ABCA13: variants seen among roughly 807,000 people sequenced by gnomAD.
ABCA13 encodes ATP-binding cassette sub-family A member 13.
In ABCA13, 476 loss-of-function variants were observed where a neutral mutation model predicts 478.7. That is an observed-to-expected ratio of 0.99 (90% CI 0.92 to 1.07). ABCA13 has a LOEUF of 1.07. Ranked by LOEUF, ABCA13 falls within the 50% of genes least tolerant of loss-of-function variation. The pLI is 0.00. For missense variants in ABCA13, 6,060 were observed against 5,910.6 expected, an observed-to-expected ratio of 1.03 and a Z score of -0.83; for synonymous variants, 2,252 against 2,158.9, an observed-to-expected ratio of 1.04 and a Z score of -1.20.
At chr7:48,313,833 T>G (rs1802130481) in intron 25 of ABCA13, among the ~76,000 whole-genome samples, 1 of 152,186 alleles carries the variant, frequency 6.6e-6, no homozygotes. Context: ...GTCCATCATG[T>G]GATAGATAAT....
chr7:48,480,992 A>C (rs751415505), intron 45 of ABCA13, 44 bp from the exon 46 acceptor site: 2 of 1,311,120 alleles, frequency 1.5e-6, no homozygotes, highest in South Asian at 2.6e-5. Context: ...CCAGTTTGTG[A>C]ATTATAAAAA....
intron 15 of ABCA13, among the ~76,000 whole-genome samples, chr7:48,251,845 T>C (rs1216048478): frequency 6.6e-6 from 1 of 152,158 alleles, no homozygotes; most frequent in Non-Finnish European, 1.5e-5. Context: ...TCACACATTT[T>C]AATATGTCAT....
At position 48,279,911 on chromosome 7, in the gene ABCA13, C is replaced by T. The variant is rs1292961037; in HGVS notation, c.8717C>T (p.Thr2906Ile). Reference protein sequence around the residue: ...LTKYWQQIPLTDQSVVEICEV... With the variant: ...LTKYWQQIPLIDQSVVEICEV... ...AAATACTGGCAACAAATCCCACTAA[C>T]AGATCAAAGGTAATTAAAAAGCTGA... Residue 2906 changes from threonine (T) to isoleucine (I), a missense_variant, in exon 18 of 62, where the codon ACA (threonine) becomes ATA (isoleucine). Physicochemically the swap from Thr to Ile is moderately conservative, Grantham distance 89. Transcript: ENST00000435803. 6.6e-7 allele frequency: 1 copy of T among 1,517,976 alleles called. No individual in the cohort carries two copies. The highest frequency in any genetic ancestry group is 8.8e-7 in the Non-Finnish European group (1 of 1,137,450). The allele number at this position is 1,517,976 out of a possible 1,614,324, so 94.0% of individuals were successfully genotyped here.
At chr7:48,202,307 G>A (rs2128922078) in intron 3 of ABCA13, among the ~76,000 whole-genome samples, 1 of 152,274 alleles carries the variant, frequency 6.6e-6, no homozygotes, top group Admixed American at 6.5e-5. Context: ...CCCTGAGCTA[G>A]ACACAAAGGT....
chr7:48,343,778 A>G (rs1362954290), intron 29 of ABCA13, among the ~76,000 whole-genome samples: 2 of 151,850 alleles, frequency 1.3e-5, no homozygotes, highest in African/African-American at 4.8e-5. Context: ...AAGGCCATTC[A>G]TATTTTCTGG....
chr7:48,469,180 T>A (rs1356544807), intron 44 of ABCA13, among the ~76,000 whole-genome samples: 1 of 152,238 alleles, frequency 6.6e-6, no homozygotes, highest in Non-Finnish European at 1.5e-5. Flanking sequence ...GGATAAGGTT[T>A]ATTTTTGTAA....
At position 48,455,027 on chromosome 7, in the gene ABCA13, C is replaced by T. The variant is rs367829820; in HGVS notation, c.12566-10C>T. 7.0e-5 allele frequency: 105 copies of T among 1,489,718 alleles called. No homozygotes were observed. The highest frequency in any genetic ancestry group is 9.2e-5 in the Non-Finnish European group (103 of 1,121,050). 92.3% of individuals were successfully genotyped at this position (1,489,718 alleles called of 1,614,324 possible). A position where few individuals can be genotyped will look rare whatever the true frequency, so the allele number is the denominator to read the frequency against. On this transcript the variant is annotated splice_polypyrimidine_tract_variant and intron_variant, in intron 42 of 61. Transcript: ENST00000435803. Reference sequence around the variant, plus strand: ...TGACCCAGCCGCCCTTCCTCCCGCCCGTCCTGCAGGTGGCTCCCTAGCACG... The same window carrying T: ...TGACCCAGCCGCCCTTCCTCCCGCCTGTCCTGCAGGTGGCTCCCTAGCACG...
intron 51 of ABCA13, among the ~76,000 whole-genome samples, chr7:48,513,909 C>G (rs1831906036): frequency 6.6e-6 from 1 of 152,192 alleles, no homozygotes; most frequent in African/African-American, 2.4e-5. Context: ...CTTCATTCAT[C>G]TAGCAATAGG....
At position 48,528,346 on chromosome 7, in the gene ABCA13, G is replaced by C. The variant is rs947469056; in HGVS notation, c.14354+1G>C. On this transcript the variant is annotated splice_donor_variant, in intron 55 of 61. Transcript: ENST00000435803. LOFTEE classifies it high-confidence loss of function. ...ATGCTATCATCAGGACTCCCATGGG[G>C]TAAGATACAGATTTCATCATTTTTG... is the stretch of plus-strand genomic sequence containing the variant. 1.0e-5 allele frequency: 16 copies of C among 1,540,278 alleles called. No homozygotes were observed. The highest frequency in any genetic ancestry group is 1.7e-4 in the Middle Eastern group (1 of 5,902).
intron 19 of ABCA13, 136 bp downstream of exon 19, chr7:48,281,588 C>A (rs1797045463): frequency 2.7e-6 from 2 of 750,488 alleles, no homozygotes; most frequent in Non-Finnish European, 4.2e-6. Flanking sequence ...GCAACCAGGC[C>A]TTGAGGGATC....
Position 48,524,426 on chromosome 7 carries a change from A to G in ABCA13, c.14230A>G (p.Ile4744Val), listed in dbSNP as rs1411239732. The change falls in exon 54 of 62, where the codon ATA (isoleucine) becomes GTA (valine). Residue 4744 changes from isoleucine to valine, a missense_variant. Physicochemically the swap from Ile to Val is conservative, Grantham distance 29 (BLOSUM62 3). This residue lies in a region of ABCA13 where 1,627 missense variants were observed against 1,571.0 expected (regional missense o/e 1.04). Transcript: ENST00000435803. ...IIAVQDISLG[I>V]PKGECFGLLG... is the part of the protein sequence containing the mutation. ...TGCTGTGCAAGATATTAGTTTGGGC[A>G]TACCAAAAGGAGAGGTAATGAAGCT... is the stretch of plus-strand genomic sequence containing the variant. 4.4e-6 allele frequency: 7 copies of G among 1,606,402 alleles called. No homozygotes were observed. Among genetic ancestry groups the G allele is most frequent in the Non-Finnish European group, 5.9e-6 (7 of 1,177,362 alleles).
chr7:48,369,543 T>G (rs1370861515), intron 32 of ABCA13, among the ~76,000 whole-genome samples: 6 of 152,216 alleles, frequency 3.9e-5, no homozygotes, highest in Admixed American at 3.9e-4. Flanking sequence ...TTTAAGTCTT[T>G]TATCCACCTT....
Position 48,245,593 on chromosome 7 carries a change from T to A in ABCA13, c.1472T>A (p.Phe491Tyr). Residue 491 changes from phenylalanine to tyrosine, a missense_variant, in exon 12 of 62, where the codon TTC becomes TAC. Transcript: ENST00000435803. ...LNQLKLEKDV[F>Y]FWELKQMLAK... is the part of the protein sequence containing the mutation. ...CAATTGAAACTGGAAAAGGATGTGT[T>A]CTTTTGGGAGCTGAAACAGGTAAAG... The A allele has an allele frequency of 6.2e-7, 1 of 1,611,746 alleles. No individual in the cohort carries two copies. The highest frequency in any genetic ancestry group is 8.5e-7 in the Non-Finnish European group (1 of 1,179,264).
In ABCA13 at chr7:48,541,741, C is replaced by A. The variant is rs902382058; in HGVS notation, c.14354+13396C>A. On this transcript the variant is annotated intron_variant, in intron 55 of 61. Transcript: ENST00000435803. ...AGATATATATATACATATAAAATATCATGTATATAAATATCATATGATATA... is the reference window on the plus strand; with the variant it reads ...AGATATATATATACATATAAAATATAATGTATATAAATATCATATGATATA... Among the ~76,000 whole-genome samples the A allele has an allele frequency of 1.5e-4, 22 of 145,492 alleles. 2 individuals are homozygous for A. The highest frequency in any genetic ancestry group is 1.4e-3 in the Admixed American group (21 of 14,496).
At chr7:48,380,888 G>A (rs1306784629) in intron 35 of ABCA13, among the ~76,000 whole-genome samples, 3 of 152,088 alleles carry the variant, frequency 2.0e-5, no homozygotes, top group East Asian at 1.9e-4. Context: ...TGTACGGGGC[G>A]ATCACACTCG....
chr7:48,535,521 G>A (rs751728804), intron 55 of ABCA13, among the ~76,000 whole-genome samples: 1 of 152,164 alleles, frequency 6.6e-6, no homozygotes, highest in East Asian at 1.9e-4. Flanking sequence ...AGAGTGTATC[G>A]GCTGCCCTTG....
intron 42 of ABCA13, among the ~76,000 whole-genome samples, chr7:48,450,102 A>G (rs551609044): frequency 5.9e-5 from 9 of 152,198 alleles, no homozygotes; most frequent in Non-Finnish European, 1.2e-4. Context: ...CTAGCATAGC[A>G]CTTGCACTAG....
rs573838222 is a variant in ABCA13 at position 48,278,665 on chromosome 7, G to C, written c.7471G>C (p.Val2491Leu). Residue 2491 changes from valine (V) to leucine (L), a missense_variant, in exon 18 of 62, where the codon GTC (valine) becomes CTC (leucine). By Grantham distance (32) the Val-to-Leu change is conservative. This residue lies in a region of ABCA13 where 4,423 missense variants were observed against 4,309.1 expected (regional missense o/e 1.03). Transcript: ENST00000435803. ...TTCAAGAGCAAGTGAAGAAAGTCAC[G>C]TCCTGAAACCCCTCTTAGAAATGTC... ...AISRASEESH[V>L]LKPLLEMSGT... The C allele has an allele frequency of 6.2e-7, 1 of 1,613,604 alleles. No homozygotes were observed. Among genetic ancestry groups the C allele is most frequent in the South Asian group, 1.1e-5 (1 of 91,080 alleles).
intron 3 of ABCA13, among the ~76,000 whole-genome samples, chr7:48,210,653 G>A (rs987261048): frequency 2.0e-5 from 3 of 151,976 alleles, no homozygotes; most frequent in Admixed American, 1.3e-4. Context: ...AACTTGCAAA[G>A]TTGATCTTGT....
Sources: gnomAD v4.1 joint callset for allele counts (sites outside exome capture counted in the v4.1 genomes callset) on GRCh38, gnomAD v4.1.1 for gene constraint, gnomAD v4.1.1 regional missense constraint, MANE v1.5 for transcripts, NCBI Gene and HGNC (gene_info 2026-07-23, HGNC 2026-07-21) for gene names.